DEPDC5: variants seen among roughly 807,000 people sequenced by gnomAD.
The protein encoded by DEPDC5 is DEP domain containing 5, GATOR1 subcomplex subunit.
In DEPDC5, 73 loss-of-function variants were observed where a neutral mutation model predicts 217.3. The ratio of observed to expected loss-of-function variants is 0.34; its 90% CI spans 0.28 to 0.41. The LOEUF is 0.41. Among genes scored for constraint, DEPDC5 ranks in the 10% least tolerant of loss-of-function variants. The pLI is 1.00. For missense variants in DEPDC5, 1,675 were observed against 2,070.1 expected, an observed-to-expected ratio of 0.81 and a Z score of 3.70; for synonymous variants, 733 against 756.7, an observed-to-expected ratio of 0.97 and a Z score of 0.51.
chr22:31,887,047 C>T (rs866852750), intron 38 of DEPDC5, among the ~76,000 whole-genome samples: 18 of 149,892 alleles, frequency 1.2e-4, no homozygotes, highest in Admixed American at 3.3e-4. Flanking sequence ...CGTGCCATTA[C>T]GCTCCAGCCT....
At chr22:31,767,052 A>T (rs2082878400) in intron 6 of DEPDC5, among the ~76,000 whole-genome samples, 1 of 152,162 alleles carries the variant, frequency 6.6e-6, no homozygotes, top group South Asian at 2.1e-4. Flanking sequence ...GCTAGATAGT[A>T]AGTTGACTCT....
intron 40 of DEPDC5, among the ~76,000 whole-genome samples, chr22:31,898,558 C>T (rs1162812477): frequency 6.6e-6 from 1 of 152,156 alleles, no homozygotes; most frequent in Non-Finnish European, 1.5e-5. Context: ...GAGATGCTTT[C>T]TTCTTGTCCC....
chr22:31,793,344 A>T (rs1232004623), intron 12 of DEPDC5, among the ~76,000 whole-genome samples: 1 of 152,114 alleles, frequency 6.6e-6, no homozygotes, highest in Middle Eastern at 3.2e-3. Flanking sequence ...TAAATGTTTT[A>T]TTGTGAAAAA....
At chr22:31,864,111 C>CT (rs71783325) in intron 33 of DEPDC5, among the ~76,000 whole-genome samples, 85 of 141,430 alleles carry the variant, frequency 6.0e-4, no homozygotes, top group Non-Finnish European at 7.3e-4. Flanking sequence ...TGGATGCTTT[C>CT]TTTTTTTTTT....
rs755326935 is a variant in DEPDC5, at chr22:31,783,995, CTA to C, written c.562+12_562+13del. 1.9e-6 allele frequency: 3 copies of C among 1,609,262 alleles called. No homozygotes were observed. The East Asian group carries it at 6.7e-5, about 36-fold the overall frequency. ...GATTTTGATATTTATGGTACTGTGT[CTA>C]TGTGCTGATTGTAACTGCTAAGGGG... On this transcript the variant is annotated intron_variant, in intron 9 of 42. Coordinates refer to ENST00000651528, the MANE Select transcript of DEPDC5 (RefSeq NM_001242896.3).
intron 31 of DEPDC5, among the ~76,000 whole-genome samples, chr22:31,848,822 G>C (rs2091883016): frequency 6.6e-6 from 1 of 152,074 alleles, no homozygotes; most frequent in African/African-American, 2.4e-5. Context: ...AAACTTTTAT[G>C]CTCTGCTTCC....
At chr22:31,774,012 G>A (rs1346899722) in intron 7 of DEPDC5, among the ~76,000 whole-genome samples, 1 of 151,902 alleles carries the variant, frequency 6.6e-6, no homozygotes, top group Non-Finnish European at 1.5e-5. Context: ...CAGAGGTTGT[G>A]GTGAGCCGAG....
chr22:31,777,751 T>G lies in DEPDC5; in HGVS notation c.414-348T>G, dbSNP rs79907044. 7.3e-3 allele frequency among the ~76,000 whole-genome samples: 1,112 copies of G among 152,194 alleles called. 8 individuals are homozygous for G. The highest frequency in any genetic ancestry group is 0.024 in the African/African-American group (985 of 41,510). ...TGCCCCTATTTCTTTTTGGTTTGTTTTATTTTTATTTTTTGAGACGGAATC... is the reference window on the plus strand; with the variant it reads ...TGCCCCTATTTCTTTTTGGTTTGTTGTATTTTTATTTTTTGAGACGGAATC... On this transcript the variant is annotated intron_variant, in intron 7 of 42. Transcript: ENST00000651528.
At chr22:31,901,615 T>C (rs910603682) in intron 40 of DEPDC5, 127 bp from the exon 41 acceptor site, 14 of 749,106 alleles carry the variant, frequency 1.9e-5, no homozygotes, top group East Asian at 1.2e-4. Context: ...GGGCGTAGTA[T>C]GGAGAAGCAG....
chr22:31,769,685 A>C (rs764166215), intron 7 of DEPDC5: 1 of 152,062 alleles, frequency 6.6e-6, no homozygotes, highest in Non-Finnish European at 1.5e-5. Flanking sequence ...TGGGATGCTG[A>C]GGTGGGTAGA....
chr22:31,837,299 G>A (rs758237271), intron 26 of DEPDC5, 144 bp downstream of exon 26: 14 of 743,246 alleles, frequency 1.9e-5, no homozygotes, highest in South Asian at 2.8e-5. Context: ...TAGCATGGCC[G>A]TTAAATAAAA....
At position 31,879,065 on chromosome 22, in the gene DEPDC5, T is replaced by C. The variant is rs865998513; in HGVS notation, c.3806-460T>C. On this transcript the variant is annotated intron_variant, in intron 37 of 42. Coordinates refer to ENST00000651528, the MANE Select transcript of DEPDC5 (RefSeq NM_001242896.3). ...AAAAATATATATATATATATATATA[T>C]ATACACACACACACACGTATATATA... 6.2e-3 allele frequency among the ~76,000 whole-genome samples: 852 copies of C among 137,572 alleles called. 12 individuals are homozygous for C. Among genetic ancestry groups the C allele is most frequent in the African/African-American group, 0.022 (773 of 35,226 alleles). The allele number at this position is 137,572 out of a possible 152,430, so 90.3% of individuals were successfully genotyped here. A position where few individuals can be genotyped will look rare whatever the true frequency, so the allele number is the denominator to read the frequency against.
At position 31,794,196 on chromosome 22, in the gene DEPDC5, T is replaced by G. The variant is rs1298471570; in HGVS notation, c.767+1379T>G. Among the ~76,000 whole-genome samples, 4 of 152,310 alleles carry G rather than the reference T, an allele frequency of 2.6e-5. No individual in the cohort carries two copies. In the East Asian group the frequency reaches 7.7e-4, roughly 29 times the overall value. On this transcript the variant is annotated intron_variant, in intron 12 of 42. Transcript: ENST00000651528. ...TACTTTAAATTATTTGTTGATCTTTTGTTGGATCCTGTACCCCTAGGAGAA... is the reference window on the plus strand; with the variant it reads ...TACTTTAAATTATTTGTTGATCTTTGGTTGGATCCTGTACCCCTAGGAGAA...
chr22:31,758,288 C>T (rs1445026885), intron 2 of DEPDC5, among the ~76,000 whole-genome samples: 1 of 152,108 alleles, frequency 6.6e-6, no homozygotes, highest in Non-Finnish European at 1.5e-5. Flanking sequence ...GGCTGCTCTG[C>T]CCCTGGAAGC....
Position 31,765,427 on chromosome 22 carries a change from TTAC to T in DEPDC5, c.279+368_279+370del, listed in dbSNP as rs2082727941. Among the ~76,000 whole-genome samples, 3 of 152,118 alleles carry T rather than the reference TTAC, an allele frequency of 2.0e-5. No individual in the cohort carries two copies. In the East Asian group the frequency reaches 5.8e-4, roughly 29 times the overall value. On this transcript the variant is annotated intron_variant, in intron 5 of 42. Transcript: ENST00000651528. The stretch of plus-strand genomic sequence containing the variant: ...GCCTCAGCCTCCTGAGTAGCTAGGA[TTAC>T]AGGCCTGCACCACCGCACCCAGCTA...
Position 31,906,587 on chromosome 22 carries a change from G to T in DEPDC5, c.*90G>T, listed in dbSNP as rs2093763787. 6 of 1,499,324 alleles carry T rather than the reference G, an allele frequency of 4.0e-6. No homozygotes were observed. The East Asian group carries it at 1.4e-4, about 34-fold the overall frequency. 92.9% of individuals were successfully genotyped at this position (1,499,324 alleles called of 1,614,324 possible). On this transcript the variant is annotated 3_prime_UTR_variant, in exon 43 of 43. Coordinates refer to ENST00000651528, the MANE Select transcript of DEPDC5 (RefSeq NM_001242896.3). The surrounding 1 kb of genome is among the most constrained non-coding windows in gnomAD (Gnocchi z 5.1). ...ATTCCAGGCAGGCTCTAGGAGTCAGGTGTCCGTTTGCTGCTATCAGTGAGT... is the reference window on the plus strand; with the variant it reads ...ATTCCAGGCAGGCTCTAGGAGTCAGTTGTCCGTTTGCTGCTATCAGTGAGT...
intron 30 of DEPDC5, among the ~76,000 whole-genome samples, chr22:31,845,905 A>G (rs1259416704): frequency 6.6e-6 from 1 of 151,320 alleles, no homozygotes; most frequent in Non-Finnish European, 1.5e-5. Flanking sequence ...TTGTTGCCCA[A>G]GCAGGAGTGT....
chr22:31,780,266 C>T (rs1395456536), intron 8 of DEPDC5, among the ~76,000 whole-genome samples: 4 of 152,058 alleles, frequency 2.6e-5, no homozygotes, highest in Non-Finnish European at 4.4e-5. Context: ...ATAGGGTCCA[C>T]AGAACTTGCT....
chr22:31,871,040 G>C (rs913946198), intron 34 of DEPDC5, among the ~76,000 whole-genome samples: 1 of 152,228 alleles, frequency 6.6e-6, no homozygotes, highest in African/African-American at 2.4e-5. Context: ...CTTGTTCACT[G>C]TGGTGCCTGT....
Sources: gnomAD v4.1 joint callset for allele counts (sites outside exome capture counted in the v4.1 genomes callset) on GRCh38, gnomAD v4.1.1 for gene constraint, Gnocchi (gnomAD v3.1) non-coding constraint, MANE v1.5 for transcripts, NCBI Gene and HGNC (gene_info 2026-07-23, HGNC 2026-07-21) for gene names.